Variants in RANBP2 observed in about 807,000 individuals in gnomAD.
RANBP2 encodes the protein E3 SUMO-protein ligase RanBP2.
RANBP2 carries 57 observed loss-of-function variants against 303.6 expected under a neutral mutation model. The ratio of observed to expected loss-of-function variants is 0.19; its 90% CI spans 0.15 to 0.23. The LOEUF (loss-of-function observed/expected upper bound fraction) is 0.23, where lower values mean the gene tolerates loss of function less well. Ranked by LOEUF, RANBP2 falls within the 10% of genes least tolerant of loss-of-function variation. The pLI is 1.00. For synonymous variants in RANBP2, 1,167 were observed against 1,301.5 expected (o/e 0.90, Z 2.23); for missense variants, 3,138 against 3,780.8 (o/e 0.83, Z 4.46).
the RANBP2 span, among the ~76,000 whole-genome samples, chr2:108,809,340 A>G: frequency 6.6e-6 from 1 of 151,866 alleles, no homozygotes; most frequent in Non-Finnish European, 1.5e-5. Context: ...ATTTTTTTCT[A>G]TTTCTGTGAA....
the RANBP2 span, chr2:109,129,024 C>T: frequency 4.8e-6 from 2 of 415,372 alleles, no homozygotes; most frequent in Non-Finnish European, 9.6e-6. Flanking sequence ...CCTGCTGAAT[C>T]CTCTGGAGGA....
the RANBP2 span, among the ~76,000 whole-genome samples, chr2:109,641,017 T>C: frequency 6.6e-6 from 1 of 152,178 alleles, no homozygotes; most frequent in African/African-American, 2.4e-5. Flanking sequence ...ATTTGGGATG[T>C]CTAAAAAGTA....
At chr2:109,498,386 T>C in the RANBP2 span, among the ~76,000 whole-genome samples, 1 of 152,292 alleles carries the variant, frequency 6.6e-6, no homozygotes, top group African/African-American at 2.4e-5. Context: ...GCCAGCCTGG[T>C]GCAAGCTGGG....
the RANBP2 span, among the ~76,000 whole-genome samples, chr2:109,228,153 C>G: frequency 2.0e-5 from 3 of 152,134 alleles, no homozygotes; most frequent in South Asian, 6.2e-4. Context: ...GATGTACTTG[C>G]AACGTTTGGC....
chr2:109,092,265 G>A, the RANBP2 span, among the ~76,000 whole-genome samples: 1 of 152,242 alleles, frequency 6.6e-6, no homozygotes, highest in Non-Finnish European at 1.5e-5. Flanking sequence ...CAACAGGCCT[G>A]TCTCAGGGTG....
chr2:108,974,034 A>C, the RANBP2 span, among the ~76,000 whole-genome samples: 3 of 152,290 alleles, frequency 2.0e-5, no homozygotes, highest in African/African-American at 7.2e-5. Flanking sequence ...AGAAAAATAG[A>C]AATGCCACAT....
chr2:109,390,940 G>A, the RANBP2 span, among the ~76,000 whole-genome samples: 1 of 152,188 alleles, frequency 6.6e-6, no homozygotes, highest in African/African-American at 2.4e-5. Context: ...GGGTAGGCGG[G>A]CAGGTTCCAC....
At chr2:109,534,472 C>G in the RANBP2 span, among the ~76,000 whole-genome samples, 2 of 152,154 alleles carry the variant, frequency 1.3e-5, no homozygotes, top group African/African-American at 4.8e-5. Context: ...TATATTTCAG[C>G]CAATGCTATT....
rs558771275 is a variant in RANBP2 at position 108,779,530 on chromosome 2, TTTA to T, written c.8600-1736_8600-1734del. 4.0e-3 allele frequency among the ~76,000 whole-genome samples: 603 copies of T among 152,324 alleles called. 3 individuals carry two copies. Among genetic ancestry groups the T allele is most frequent in the African/African-American group, 0.014 (568 of 41,582 alleles). On this transcript the variant is annotated intron_variant, in intron 25 of 28. Coordinates refer to ENST00000283195, the MANE Select transcript of RANBP2 (RefSeq NM_006267.5). The stretch of plus-strand genomic sequence containing the variant: ...AATCTGTCTGAAAGAGAGTTGATTT[TTTA>T]TTGTGTTCTTTAAGGTACTGAGTTA...
At chr2:109,449,133 A>G in the RANBP2 span, 1 of 1,597,466 alleles carries the variant, frequency 6.3e-7, no homozygotes, top group South Asian at 1.1e-5. Flanking sequence ...TTGCAAACTA[A>G]CCTTTCAACC....
chr2:109,532,412 G>T, the RANBP2 span, among the ~76,000 whole-genome samples: 1 of 152,212 alleles, frequency 6.6e-6, no homozygotes, highest in East Asian at 1.9e-4. Context: ...GCCGGCTAAG[G>T]TTTATAAACC....
chr2:109,387,279 A>G, the RANBP2 span, among the ~76,000 whole-genome samples: 2 of 152,112 alleles, frequency 1.3e-5, no homozygotes, highest in Non-Finnish European at 2.9e-5. Flanking sequence ...CACCTGTGCA[A>G]CCTTTTCTCA....
rs1166278625 is a variant in RANBP2, at chr2:108,740,565, G to A, written c.859G>A (p.Gly287Arg). The A allele has an allele frequency of 1.3e-6, 2 of 1,597,414 alleles. No homozygotes were observed. Among genetic ancestry groups the A allele is most frequent in the Non-Finnish European group, 1.7e-6 (2 of 1,179,788 alleles). ...GTCAGCTACTTTCTTAGAAATGAAA[G>A]GACATTTCTACATGCATGCTGGTTC... ...ELSATFLEMKGHFYMHAGSLL... is the reference protein window; with the variant it reads ...ELSATFLEMKRHFYMHAGSLL... The change falls in exon 7 of 29, where the codon GGA (glycine) becomes AGA (arginine). Residue 287 changes from glycine (G) to arginine (R), a missense_variant. Physicochemically the swap from Gly to Arg is moderately radical, Grantham distance 125. Coordinates refer to ENST00000283195, the MANE Select transcript of RANBP2 (RefSeq NM_006267.5).
the RANBP2 span, among the ~76,000 whole-genome samples, chr2:109,235,784 T>A: frequency 3.0e-4 from 46 of 152,338 alleles, no homozygotes; most frequent in East Asian, 8.5e-3. Flanking sequence ...CCTCTCTCCC[T>A]GTTCTTATTT....
the RANBP2 span, among the ~76,000 whole-genome samples, chr2:109,275,222 C>T: frequency 6.6e-6 from 1 of 152,182 alleles, no homozygotes; most frequent in Non-Finnish European, 1.5e-5. Flanking sequence ...TACAGTGAGG[C>T]CCCGCAGAGG....
At chr2:109,487,838 A>C in the RANBP2 span, among the ~76,000 whole-genome samples, 4 of 152,120 alleles carry the variant, frequency 2.6e-5, no homozygotes, top group Admixed American at 2.6e-4. Flanking sequence ...TCAGCAAACA[A>C]GTGTTGAATG....
At chr2:109,461,422 C>T in the RANBP2 span, among the ~76,000 whole-genome samples, 3 of 150,928 alleles carry the variant, frequency 2.0e-5, no homozygotes, top group Non-Finnish European at 4.4e-5. Context: ...CACGTAGCAT[C>T]CCTGTCTGTC....
chr2:109,501,755 C>T, the RANBP2 span: 1 of 669,246 alleles, frequency 1.5e-6, no homozygotes, highest in South Asian at 1.6e-5. Context: ...GCCATGGCGC[C>T]CCAAGGGTTC....
chr2:109,183,934 TGCAGGTGAGTGCCCCA>T, the RANBP2 span, among the ~76,000 whole-genome samples: 1 of 152,192 alleles, frequency 6.6e-6, no homozygotes, highest in African/African-American at 2.4e-5. Flanking sequence ...ACCTACCAGT[TGCAGGTGAGTGCCCCA>T]GCTCCTCAGA....
Sources: gnomAD v4.1 joint callset for allele counts (sites outside exome capture counted in the v4.1 genomes callset) on GRCh38, gnomAD v4.1.1 for gene constraint, MANE v1.5 for transcripts, NCBI Gene and HGNC (gene_info 2026-07-23, HGNC 2026-07-21) for gene names.